Variants in CHD9 observed in about 807,000 individuals in gnomAD.
CHD9 encodes the protein chromodomain helicase DNA binding protein 9.
A neutral mutation model predicts 316.1 loss-of-function variants in CHD9; 77 were observed. That is an observed-to-expected ratio of 0.24 (90% CI 0.20 to 0.29). The LOEUF is 0.29. Ranked by LOEUF, CHD9 falls within the 10% of genes least tolerant of loss-of-function variation. CHD9 has a pLI of 1.00. For missense variants in CHD9, 2,763 were observed against 3,438.1 expected (o/e 0.80, Z 4.91); for synonymous variants, 1,129 against 1,158.3 (o/e 0.97, Z 0.51).
chr16:53,232,935 T>G (rs1436174582), intron 10 of CHD9, among the ~76,000 whole-genome samples: 1 of 152,190 alleles, frequency 6.6e-6, no homozygotes, highest in East Asian at 1.9e-4. Context: ...TTGAACTGTG[T>G]TTTTCCTCTG....
At chr16:53,297,180 C>T (rs757735189) in intron 30 of CHD9, 22 bp downstream of exon 30, 2 of 1,580,156 alleles carry the variant, frequency 1.3e-6, no homozygotes, top group Non-Finnish European at 1.7e-6. Flanking sequence ...ATTTCTTTTT[C>T]CTGGTTTCGG....
At chr16:53,285,206 G>A (rs1472809937) in intron 24 of CHD9, among the ~76,000 whole-genome samples, 2 of 151,916 alleles carry the variant, frequency 1.3e-5, no homozygotes, top group Non-Finnish European at 2.9e-5. Flanking sequence ...ACCCTTTTAG[G>A]GCCTCAGTTT....
Position 53,324,981 on chromosome 16 carries a change from C to G in CHD9, c.*86C>G. 1 of 1,111,886 alleles carries G rather than the reference C, an allele frequency of 9.0e-7. No homozygotes were observed. The highest frequency in any genetic ancestry group is 1.3e-6 in the Non-Finnish European group (1 of 798,650). 68.9% of individuals were successfully genotyped at this position (1,111,886 alleles called of 1,614,324 possible). On this transcript the variant is annotated 3_prime_UTR_variant, in exon 39 of 39. Transcript: ENST00000447540. ...GTAAATACCCCAGTGTTGAGTGCAT[C>G]AATAACTTACTGACCGAACATTTCA...
chr16:53,146,421 A>ATG lies in CHD9; in HGVS notation c.-164-9504_-164-9503insGT, dbSNP rs1467849366. 4.2e-3 allele frequency among the ~76,000 whole-genome samples: 495 copies of ATG among 116,834 alleles called. 25 individuals carry two copies. The highest frequency in any genetic ancestry group is 8.0e-3 in the Middle Eastern group (2 of 250). The allele number at this position is 116,834 out of a possible 152,430, so 76.6% of individuals were successfully genotyped here. ...AAAAAAATTGTGTGTGTGTGTATGT[A>ATG]TATATATATATATATAATTAAAAAG... On this transcript the variant is annotated intron_variant, in intron 1 of 38. Transcript: ENST00000447540.
chr16:53,252,021 C>T (rs1163045345), intron 17 of CHD9, among the ~76,000 whole-genome samples: 1 of 152,102 alleles, frequency 6.6e-6, no homozygotes, highest in Non-Finnish European at 1.5e-5. Flanking sequence ...AAAATACCAC[C>T]ATCATTCTTC....
At chr16:53,316,910 A>T (rs1291648893) in intron 36 of CHD9, among the ~76,000 whole-genome samples, 1 of 152,190 alleles carries the variant, frequency 6.6e-6, no homozygotes, top group African/African-American at 2.4e-5. Context: ...AGAATTATTA[A>T]GAAGATGGCC....
chr16:53,107,435 G>C (rs1180801739), intron 1 of CHD9, among the ~76,000 whole-genome samples: 2 of 145,946 alleles, frequency 1.4e-5, no homozygotes, highest in African/African-American at 5.2e-5. Flanking sequence ...ACTCCAGCCT[G>C]GGCAACAGAG....
chr16:53,308,818 A>G lies in CHD9; in HGVS notation c.7186A>G (p.Ser2396Gly). 3 of 1,613,836 alleles carry G rather than the reference A, an allele frequency of 1.9e-6. No individual in the cohort carries two copies. The highest frequency in any genetic ancestry group is 2.5e-6 in the Non-Finnish European group (3 of 1,179,798). Residue 2396 changes from serine (S) to glycine (G), a missense_variant, in exon 34 of 39, where the codon AGC (serine) becomes GGC (glycine). Coordinates refer to ENST00000447540, the MANE Select transcript of CHD9 (RefSeq NM_001308319.2). ...LRELQSASET[S>G]LVNFPKSIPV... ...AGAGCTTCAAAGTGCATCAGAGACC[A>G]GCCTCGTCAATTTCCCAAAATCCAT...
intron 1 of CHD9, among the ~76,000 whole-genome samples, chr16:53,088,567 C>T (rs1481254866): frequency 6.6e-6 from 1 of 151,836 alleles, no homozygotes; most frequent in African/African-American, 2.4e-5. Flanking sequence ...CTTGAGCCAC[C>T]GCGCCCGGCC....
chr16:53,317,871 C>A (rs8048169), intron 36 of CHD9, among the ~76,000 whole-genome samples: 1 of 151,476 alleles, frequency 6.6e-6, no homozygotes, highest in Non-Finnish European at 1.5e-5. Flanking sequence ...CTGGGCAATG[C>A]GGCAAAACTT....
rs557122737 is a variant in CHD9, at chr16:53,212,053, A to G, written c.1784+2240A>G. Among the ~76,000 whole-genome samples, 62 of 152,300 alleles carry G rather than the reference A, an allele frequency of 4.1e-4. No homozygotes were observed. The South Asian group carries it at 0.012, about 31-fold the overall frequency. ...CTGTTCCTAATACCAAATTATTGAT[A>G]TTAGTTAATTTGGAAAGCAGTGCAA... On this transcript the variant is annotated intron_variant, in intron 3 of 38. Coordinates refer to ENST00000447540, the MANE Select transcript of CHD9 (RefSeq NM_001308319.2).
intron 8 of CHD9, 141 bp from the exon 9 acceptor site, chr16:53,231,278 G>T: frequency 1.9e-6 from 1 of 531,438 alleles, no homozygotes; most frequent in South Asian, 2.9e-5. Context: ...ATTTGGAAAT[G>T]AAAATGGAAG....
intron 3 of CHD9, among the ~76,000 whole-genome samples, chr16:53,215,899 A>G (rs936935062): frequency 1.3e-5 from 2 of 152,184 alleles, no homozygotes; most frequent in African/African-American, 4.8e-5. Context: ...ATACTTATCA[A>G]ATGAATTTAC....
intron 2 of CHD9, among the ~76,000 whole-genome samples, chr16:53,189,058 C>G (rs2044275384): frequency 6.6e-6 from 1 of 151,178 alleles, no homozygotes. Context: ...TGCAGATTTC[C>G]TTGGGTTTTT....
At chr16:53,188,835 T>C (rs2044255872) in intron 2 of CHD9, among the ~76,000 whole-genome samples, 1 of 151,960 alleles carries the variant, frequency 6.6e-6, no homozygotes. Context: ...TCTGCCCACC[T>C]CAGCCTCCCA....
At chr16:53,183,704 A>G (rs959099606) in intron 2 of CHD9, among the ~76,000 whole-genome samples, 1 of 152,146 alleles carries the variant, frequency 6.6e-6, no homozygotes, top group African/African-American at 2.4e-5. Flanking sequence ...GCTTGAGGCC[A>G]GGAGTTCGAG....
intron 2 of CHD9, among the ~76,000 whole-genome samples, chr16:53,198,781 A>G (rs2045180523): frequency 6.6e-6 from 1 of 152,172 alleles, no homozygotes; most frequent in Non-Finnish European, 1.5e-5. Context: ...ATGTAGGAAT[A>G]TTGAATCTTG....
At chr16:53,176,290 TTG>T (rs1202556143) in intron 2 of CHD9, among the ~76,000 whole-genome samples, 1 of 152,252 alleles carries the variant, frequency 6.6e-6, no homozygotes, top group Non-Finnish European at 1.5e-5. Flanking sequence ...CTTTCTCACG[TTG>T]TATCACCCTA....
intron 1 of CHD9, among the ~76,000 whole-genome samples, chr16:53,115,650 T>C (rs2038238900): frequency 6.6e-6 from 1 of 152,100 alleles, no homozygotes; most frequent in African/African-American, 2.4e-5. Context: ...GTATGTTGAG[T>C]GATCGGTTTG....
Sources: allele counts gnomAD v4.1 joint callset (sites outside exome capture counted in the v4.1 genomes callset), GRCh38; gene constraint gnomAD v4.1.1; transcripts MANE v1.5; gene names NCBI Gene and HGNC (gene_info 2026-07-23, HGNC 2026-07-21).